DMD: variants seen among roughly 807,000 people sequenced by gnomAD.
DMD encodes mutant dystrophin.
Under a neutral mutation model 330.1 loss-of-function variants are expected in DMD, and 63 were observed. The observed-to-expected ratio is 0.19, with a 90% CI of 0.16 to 0.24. The LOEUF is 0.24. Ranked by LOEUF, DMD falls within the 10% of genes least tolerant of loss-of-function variation. DMD has a pLI of 1.00. For missense variants in DMD, 3,344 were observed against 2,684.1 expected (o/e 1.25, Z -5.43); for synonymous variants, 1,223 against 959.8 (o/e 1.27, Z -5.07).
chrX:31,526,293 T>C (rs2073235116), intron 55 of DMD, among the ~76,000 whole-genome samples: 1 of 112,266 alleles, frequency 8.9e-6, no homozygotes, highest in African/African-American at 3.2e-5. Context: ...TCTCACTAAA[T>C]AGTGAATTAA....
chrX:31,540,275 T>C (rs894298075), intron 55 of DMD, among the ~76,000 whole-genome samples: 1 of 112,191 alleles, frequency 8.9e-6, no homozygotes, highest in Admixed American at 9.5e-5. Context: ...TTATCACTAC[T>C]CACTAGACTC....
intron 55 of DMD, among the ~76,000 whole-genome samples, chrX:31,514,253 G>T (rs1259221359): frequency 1.8e-5 from 2 of 111,846 alleles, no homozygotes; most frequent in Non-Finnish European, 3.8e-5. Context: ...CCCCATAAAA[G>T]AAACATTTGG....
chrX:33,328,493 G>T (rs1306785972), intron 1 of DMD, among the ~76,000 whole-genome samples: 1 of 111,223 alleles, frequency 9.0e-6, no homozygotes, highest in Non-Finnish European at 1.9e-5. Flanking sequence ...ACCACGCCCG[G>T]CCCATACAGG....
At chrX:32,400,286 C>A (rs1201218449) in intron 30 of DMD, among the ~76,000 whole-genome samples, 2 of 111,518 alleles carry the variant, frequency 1.8e-5, no homozygotes, top group Non-Finnish European at 3.8e-5. Context: ...ATTGAACCAG[C>A]CTTGCATCCC....
At chrX:32,045,838 CA>C (rs2147450326) in intron 44 of DMD, among the ~76,000 whole-genome samples, 1 of 112,511 alleles carries the variant, frequency 8.9e-6, no homozygotes, top group South Asian at 3.6e-4. Flanking sequence ...TAAATGCTTT[CA>C]AAAAATCAAA....
chrX:32,853,783 A>AAC (rs1557088069), intron 2 of DMD, among the ~76,000 whole-genome samples: 40 of 107,384 alleles, frequency 3.7e-4, no homozygotes, highest in South Asian at 2.1e-3. Flanking sequence ...AAAAAAAAAA[A>AAC]AAACAAACAA....
intron 7 of DMD, among the ~76,000 whole-genome samples, chrX:32,738,061 A>G (rs988675730): frequency 3.6e-5 from 4 of 111,873 alleles, no homozygotes; most frequent in Non-Finnish European, 7.5e-5. Flanking sequence ...AGGAAGCTGT[A>G]ATTAAGGTAA....
intron 62 of DMD, among the ~76,000 whole-genome samples, chrX:31,292,203 A>C (rs180918562): frequency 9.0e-6 from 1 of 111,385 alleles, no homozygotes; most frequent in Admixed American, 9.6e-5. Flanking sequence ...TGCAACACAT[A>C]CAATTTACAA....
rs774220078 is a variant in DMD at position 31,781,049 on chromosome X, C to G, written c.7310-6857G>C. On this transcript the variant is annotated intron_variant, in intron 50 of 78. Coordinates refer to ENST00000357033, the MANE Select transcript of DMD (RefSeq NM_004006.3). ...TCTTTCTTGCTATTAAAAATATAAT[C>G]CAAATAAATATTTGCTACTACTTAC... 7.3e-4 allele frequency among the ~76,000 whole-genome samples: 82 copies of G among 111,785 alleles called. 1 individual carries two copies. Among genetic ancestry groups the G allele is most frequent in the African/African-American group, 2.3e-3 (70 of 30,829 alleles).
chrX:32,300,854 C>CGTTTAAATCTTTAATCCATCTTGAAT (rs2097520605), intron 42 of DMD, among the ~76,000 whole-genome samples: 1 of 109,048 alleles, frequency 9.2e-6, no homozygotes, highest in African/African-American at 3.3e-5. Flanking sequence ...ACCTCAAAAA[C>CGTTTAAATCTTTAATCCATCTTGAAT]TGATGATCAC....
chrX:31,571,699 C>T (rs1256926018), intron 55 of DMD, among the ~76,000 whole-genome samples: 1 of 111,543 alleles, frequency 9.0e-6, no homozygotes, highest in Non-Finnish European at 1.9e-5. Context: ...CTTGGCACTA[C>T]TGACATATTG....
At chrX:31,425,710 A>G (rs986178303) in intron 60 of DMD, among the ~76,000 whole-genome samples, 1 of 105,193 alleles carries the variant, frequency 9.5e-6, no homozygotes, top group African/African-American at 3.6e-5. Flanking sequence ...ACACACACAC[A>G]CGCACACAAT....
chrX:33,054,169 A>G lies in DMD; in HGVS notation c.32-33969T>C, dbSNP rs1348870436. Among the ~76,000 whole-genome samples, 3 of 112,224 alleles carry G rather than the reference A, an allele frequency of 2.7e-5. No individual in the cohort carries two copies. In the East Asian group the frequency reaches 8.4e-4, roughly 32 times the overall value. On this transcript the variant is annotated intron_variant, in intron 1 of 78. Coordinates refer to ENST00000357033, the MANE Select transcript of DMD (RefSeq NM_004006.3). ...GCCATGGAAACAGAATGATCACATC[A>G]GTTAATTGTTCAACTTACATACAAA...
rs757670386 is a variant in DMD, at chrX:32,274,336, T to C, written c.6290+13193A>G. 3.6e-5 allele frequency among the ~76,000 whole-genome samples: 4 copies of C among 112,227 alleles called. No homozygotes were observed. The South Asian group carries it at 1.5e-3, about 41-fold the overall frequency. On this transcript the variant is annotated intron_variant, in intron 43 of 78. Coordinates refer to ENST00000357033, the MANE Select transcript of DMD (RefSeq NM_004006.3). ...ACTTTGAGAAAAAGACTGGGGATAT[T>C]GATCTATGGCTAACTCTGAGATTAT... is the stretch of plus-strand genomic sequence containing the variant.
At chrX:32,843,124 A>ATGCAGGATTGAGTTT (rs1364567522) in intron 4 of DMD, among the ~76,000 whole-genome samples, 79 of 111,888 alleles carry the variant, frequency 7.1e-4, no homozygotes, top group African/African-American at 2.3e-3. Context: ...CATTTTCTTT[A>ATGCAGGATTGAGTTT]TGCAGGATTG....
At chrX:32,675,111 G>C (rs1331590066) in intron 9 of DMD, among the ~76,000 whole-genome samples, 1 of 111,244 alleles carries the variant, frequency 9.0e-6, no homozygotes, top group Non-Finnish European at 1.9e-5. Flanking sequence ...TAGTCAAAAA[G>C]CATTCTCATT....
intron 44 of DMD, among the ~76,000 whole-genome samples, chrX:32,008,211 G>T (rs1409300619): frequency 9.0e-6 from 1 of 111,105 alleles, no homozygotes; most frequent in Admixed American, 9.6e-5. Context: ...TTCCCACCAG[G>T]AGTGTTTGTA....
At chrX:32,282,094 C>A (rs2097422825) in intron 43 of DMD, among the ~76,000 whole-genome samples, 1 of 111,931 alleles carries the variant, frequency 8.9e-6, no homozygotes, top group Non-Finnish European at 1.9e-5. Context: ...AAACTGCCTT[C>A]ATTTTGATGA....
At chrX:32,014,980 C>T (rs2095748815) in intron 44 of DMD, among the ~76,000 whole-genome samples, 1 of 112,149 alleles carries the variant, frequency 8.9e-6, no homozygotes, top group African/African-American at 3.2e-5. Flanking sequence ...GTTCTTAACA[C>T]CCTTGTGATT....
Sources: gnomAD v4.1 joint callset for allele counts (sites outside exome capture counted in the v4.1 genomes callset) on GRCh38, gnomAD v4.1.1 for gene constraint, MANE v1.5 for transcripts, NCBI Gene and HGNC (gene_info 2026-07-23, HGNC 2026-07-21) for gene names.